The following COBLL1 variants were observed in gnomAD, a reference collection of about 807,000 sequenced individuals.
COBLL1 encodes the protein cordon-bleu protein-like 1.
In COBLL1, 50 loss-of-function variants were observed where a neutral mutation model predicts 94.8. The observed-to-expected ratio is 0.53, with a 90% CI of 0.42 to 0.67. The LOEUF is 0.67. COBLL1 is among the 30% of genes least tolerant of loss of function. The probability of loss-of-function intolerance (pLI) is 0.00; values close to 1 mark genes in which losing one functional copy is unlikely to be tolerated. For missense variants in COBLL1, 1,362 were observed against 1,348.7 expected, an observed-to-expected ratio of 1.01 and a Z score of -0.15; for synonymous variants, 448 against 473.8, an observed-to-expected ratio of 0.95 and a Z score of 0.71.
At position 164,694,655 on chromosome 2, in the gene COBLL1, C is replaced by T. The variant is rs1469391013; in HGVS notation, c.2737G>A (p.Glu913Lys). Residue 913 changes from glutamate (E) to lysine (K), a missense_variant, in exon 12 of 14, where the codon GAG becomes AAG. Physicochemically the swap from Glu to Lys is moderately conservative, Grantham distance 56. Coordinates refer to ENST00000652658, the MANE Select transcript of COBLL1 (RefSeq NM_001365672.2). Reference protein sequence around the residue: ...EAERDMLPSPEQTLSPLSKMP... With the variant: ...EAERDMLPSPKQTLSPLSKMP... ...TTACTTAAGGGAGAAAGAGTCTGCT[C>T]CGGAGAAGGCAGCATATCCCTTTCT... 1 of 1,613,588 alleles carries T rather than the reference C, an allele frequency of 6.2e-7. No homozygotes were observed. The highest frequency in any genetic ancestry group is 8.5e-7 in the Non-Finnish European group (1 of 1,179,914).
In COBLL1 at chr2:164,670,924, G is replaced by T. The variant is rs376722637; in HGVS notation, n.127-5023C>A. Among the ~76,000 whole-genome samples, 10 of 152,340 alleles carry T rather than the reference G, an allele frequency of 6.6e-5. No homozygotes were observed. The South Asian group carries it at 1.0e-3, about 16-fold the overall frequency. On this transcript the variant is annotated intron_variant and non_coding_transcript_variant, in intron 1 of 2. Transcript: ENST00000495084. ...TCAATTGACATTTATTCTAGTGCCT[G>T]CCAAGTCCTGGGTGCTTTCACCAGT...
intron 2 of COBLL1, among the ~76,000 whole-genome samples, chr2:164,821,823 CA>C (rs1452963960): frequency 6.6e-6 from 1 of 152,110 alleles, no homozygotes; most frequent in African/African-American, 2.4e-5. Flanking sequence ...TCATGAGTTA[CA>C]AAACTACTTT....
intron 2 of COBLL1, among the ~76,000 whole-genome samples, chr2:164,797,633 T>A (rs1683534231): frequency 6.6e-6 from 1 of 152,190 alleles, no homozygotes; most frequent in Non-Finnish European, 1.5e-5. Context: ...CCATCCTTCA[T>A]CAAAATGAGG....
intron 7 of COBLL1, among the ~76,000 whole-genome samples, chr2:164,718,653 C>T (rs1442671582): frequency 6.6e-6 from 1 of 151,968 alleles, no homozygotes; most frequent in Admixed American, 6.6e-5. Flanking sequence ...ACATATAAAA[C>T]CTATACATAA....
chr2:164,699,159 T>G (rs1036264348), intron 11 of COBLL1, among the ~76,000 whole-genome samples: 1 of 151,922 alleles, frequency 6.6e-6, no homozygotes, highest in Admixed American at 6.6e-5. Flanking sequence ...ATTGCCCCAG[T>G]TTAAATCCTA....
intron 2 of COBLL1, among the ~76,000 whole-genome samples, chr2:164,753,315 T>C (rs1327919967): frequency 1.3e-5 from 2 of 152,180 alleles, no homozygotes; most frequent in Non-Finnish European, 2.9e-5. Context: ...ACCAAGTCCC[T>C]ACCACAAGCC....
rs150667906 is a variant in COBLL1 at position 164,703,185 on chromosome 2, A to G, written c.1225+1259T>C. ...TCCTCCATCAGTTTGGGCGCAGTGCACTGCTCCTGACTGGAAAGCCCAGGG... is the reference window on the plus strand; with the variant it reads ...TCCTCCATCAGTTTGGGCGCAGTGCGCTGCTCCTGACTGGAAAGCCCAGGG... On this transcript the variant is annotated intron_variant, in intron 9 of 13. Coordinates refer to ENST00000652658, the MANE Select transcript of COBLL1 (RefSeq NM_001365672.2). 3.1e-6 allele frequency: 5 copies of G among 1,613,564 alleles called. No individual in the cohort carries two copies. The African/African-American group carries it at 5.3e-5, about 17-fold the overall frequency.
At position 164,763,270 on chromosome 2, in the gene COBLL1, TG is replaced by T. The variant is rs376913133; in HGVS notation, c.42-19396del. Among the ~76,000 whole-genome samples, 787 of 152,006 alleles carry T rather than the reference TG, an allele frequency of 5.2e-3. 12 individuals are homozygous for T. Among genetic ancestry groups the T allele is most frequent in the African/African-American group, 0.017 (726 of 41,496 alleles). On this transcript the variant is annotated intron_variant, in intron 2 of 13. Coordinates refer to ENST00000652658, the MANE Select transcript of COBLL1 (RefSeq NM_001365672.2). Reference sequence around the variant, plus strand: ...AAATATACTTCGTACGTATCAGGTTTGAAAAAAATGTCTTTTTTCTTTTTTT... The same window carrying T: ...AAATATACTTCGTACGTATCAGGTTTAAAAAAATGTCTTTTTTCTTTTTTT...
intron 2 of COBLL1, among the ~76,000 whole-genome samples, chr2:164,777,612 T>A (rs12469223): frequency 6.6e-6 from 1 of 152,126 alleles, no homozygotes; most frequent in African/African-American, 2.4e-5. Context: ...GAGAACACAA[T>A]CTTCTAAACC....
In COBLL1 at chr2:164,695,039, T is replaced by C. The variant is rs201428424; in HGVS notation, c.2353A>G (p.Ile785Val). 7 of 1,613,772 alleles carry C rather than the reference T, an allele frequency of 4.3e-6. No homozygotes were observed. The highest frequency in any genetic ancestry group is 2.2e-5 in the South Asian group (2 of 91,080). ...AGTGGCTCTTCTGGGCTTTCAGAAA[T>C]AGCAGAATCTTCTGTTTGGATGGCA... ...ETAIQTEDSA[I>V]SESPEEPLPN... Residue 785 changes from isoleucine to valine, a missense_variant, in exon 12 of 14, where the codon ATT (isoleucine) becomes GTT (valine). By Grantham distance (29) the Ile-to-Val change is conservative (BLOSUM62 3). Transcript: ENST00000652658.
At chr2:164,785,525 A>T (rs1403179879) in intron 2 of COBLL1, among the ~76,000 whole-genome samples, 1 of 152,218 alleles carries the variant, frequency 6.6e-6, no homozygotes, top group Non-Finnish European at 1.5e-5. Context: ...TGGTTTCTTT[A>T]AAGCAAGGAA....
chr2:164,818,562 CAT>C lies in COBLL1; in HGVS notation c.41+22592_41+22593del, dbSNP rs1346940061. On this transcript the variant is annotated intron_variant, in intron 2 of 13. Coordinates refer to ENST00000652658, the MANE Select transcript of COBLL1 (RefSeq NM_001365672.2). ...TTACATATATGTGTACATATGTACA[CAT>C]ATATAGCATATATGTACATATGTAC... Among the ~76,000 whole-genome samples the C allele has an allele frequency of 3.4e-5, 5 of 146,974 alleles. No homozygotes were observed. In the Admixed American group the frequency reaches 3.4e-4, roughly 10 times the overall value.
chr2:164,794,547 GA>G (rs1333275562), intron 2 of COBLL1, among the ~76,000 whole-genome samples: 2 of 152,120 alleles, frequency 1.3e-5, no homozygotes, highest in Non-Finnish European at 2.9e-5. Context: ...AGTCATATAA[GA>G]CTGTATTTAG....
intron 3 of COBLL1, among the ~76,000 whole-genome samples, chr2:164,736,011 T>A (rs1485437738): frequency 6.6e-6 from 1 of 152,190 alleles, no homozygotes; most frequent in Non-Finnish European, 1.5e-5. Flanking sequence ...ATTTACAGAA[T>A]TTTTTCTCTT....
chr2:164,770,372 T>A (rs750447660), intron 2 of COBLL1, among the ~76,000 whole-genome samples: 1 of 151,732 alleles, frequency 6.6e-6, no homozygotes, highest in East Asian at 1.9e-4. Flanking sequence ...TGAAATGACA[T>A]CTACTAAAAG....
chr2:164,659,777 T>C (rs1364918785), intron 2 of COBLL1, among the ~76,000 whole-genome samples: 1 of 152,200 alleles, frequency 6.6e-6, no homozygotes, highest in Non-Finnish European at 1.5e-5. Context: ...ATATTTATTC[T>C]GGATTTTTTT....
chr2:164,815,118 G>A (rs1334306464), intron 2 of COBLL1, among the ~76,000 whole-genome samples: 2 of 152,012 alleles, frequency 1.3e-5, no homozygotes, highest in African/African-American at 4.8e-5. Context: ...ATACTTTCCA[G>A]GCCAGACACA....
In COBLL1 at chr2:164,683,748, C is replaced by T. The variant is rs1683151261; in HGVS notation, c.*2198G>A. 6.6e-6 allele frequency: 1 copy of T among 152,058 alleles called. No individual in the cohort carries two copies. Among genetic ancestry groups the T allele is most frequent in the African/African-American group, 2.4e-5 (1 of 41,406 alleles). 9.4% of individuals were successfully genotyped at this position (152,058 alleles called of 1,614,324 possible). ...ATTTCATAAAACACGACTTGTTCCA[C>T]CACTCACTCTTGTCACTTGTTTTTG... On this transcript the variant is annotated 3_prime_UTR_variant, in exon 14 of 14. Coordinates refer to ENST00000652658, the MANE Select transcript of COBLL1 (RefSeq NM_001365672.2).
In COBLL1 at chr2:164,722,269, G is replaced by A; in HGVS notation, c.802C>T (p.Pro268Ser). 1 of 1,613,916 alleles carries A rather than the reference G, an allele frequency of 6.2e-7. No individual in the cohort carries two copies. The highest frequency in any genetic ancestry group is 8.5e-7 in the Non-Finnish European group (1 of 1,179,964). Residue 268 changes from proline (P) to serine (S), a missense_variant, in exon 7 of 14, where the codon CCA becomes TCA. Transcript: ENST00000652658. ...PATPLVNKHR[P>S]TFTRSNTISK... ...ATGGTATTGGACCTTGTAAAAGTTG[G>A]GCGGTGCTTATTTACTAGAGGGGTT...
Sources: allele counts gnomAD v4.1 joint callset (sites outside exome capture counted in the v4.1 genomes callset), GRCh38; gene constraint gnomAD v4.1.1; transcripts MANE v1.5; gene names NCBI Gene and HGNC (gene_info 2026-07-23, HGNC 2026-07-21).